PRMT8: variants seen among roughly 807,000 people sequenced by gnomAD.
PRMT8 encodes the protein protein arginine N-methyltransferase 8.
A neutral mutation model predicts 47.1 loss-of-function variants in PRMT8; 7 were observed. The ratio of observed to expected loss-of-function variants is 0.15; its 90% CI spans 0.08 to 0.28. The LOEUF is 0.28. Among genes scored for constraint, PRMT8 ranks in the 10% least tolerant of loss-of-function variants. The pLI is 1.00. For missense variants in PRMT8, 237 were observed against 505.4 expected (o/e 0.47, Z 5.09); for synonymous variants, 188 against 186.5 (o/e 1.01, Z -0.07).
intron 1 of PRMT8, among the ~76,000 whole-genome samples, chr12:3,475,245 G>A (rs1420065457): frequency 6.6e-6 from 1 of 152,162 alleles, no homozygotes; most frequent in Non-Finnish European, 1.5e-5. Flanking sequence ...GAAGGAGAGG[G>A]GGACATTGTG....
intron 4 of PRMT8, among the ~76,000 whole-genome samples, chr12:3,560,333 C>T (rs1037504738): frequency 2.0e-5 from 3 of 152,218 alleles, no homozygotes; most frequent in Non-Finnish European, 4.4e-5. Flanking sequence ...ATCAGCCTCT[C>T]TCCCTCTCCA....
intron 1 of PRMT8, 118 bp downstream of exon 1, chr12:3,491,818 C>A (rs1439283327): frequency 1.8e-6 from 2 of 1,108,840 alleles, no homozygotes; most frequent in Non-Finnish European, 2.4e-6. Context: ...CCGCTCGCTT[C>A]TGCCGGCCTC....
intron 4 of PRMT8, among the ~76,000 whole-genome samples, chr12:3,563,146 G>T (rs1382774916): frequency 6.6e-6 from 1 of 151,962 alleles, no homozygotes; most frequent in Non-Finnish European, 1.5e-5. Flanking sequence ...GTATTGTTCT[G>T]ATTCACTGAG....
Position 3,436,280 on chromosome 12 carries a change from C to T in PRMT8, c.48+54838C>T, listed in dbSNP as rs561166918. 2.3e-4 allele frequency among the ~76,000 whole-genome samples: 35 copies of T among 152,292 alleles called. No individual in the cohort carries two copies. The South Asian group carries it at 4.8e-3, about 21-fold the overall frequency. The stretch of plus-strand genomic sequence containing the variant: ...TCCTGTTGCATAGCTCCGTCACCTT[C>T]GTTTTTGACACTCACTTGCTTTTCA... On this transcript the variant is annotated intron_variant, in intron 1 of 9. Coordinates refer to the PRMT8 transcript ENST00000452611. This position sits in a 1 kb window ranked among gnomAD's most constrained non-coding sequence, Gnocchi z 4.2.
chr12:3,506,610 G>T (rs889172758), intron 1 of PRMT8, among the ~76,000 whole-genome samples: 5 of 152,138 alleles, frequency 3.3e-5, no homozygotes, highest in Non-Finnish European at 7.4e-5. Context: ...CCCAGCTTTG[G>T]GATGTAGAAC....
At chr12:3,537,955 T>G (rs1168128440) in intron 1 of PRMT8, among the ~76,000 whole-genome samples, 1 of 152,192 alleles carries the variant, frequency 6.6e-6, no homozygotes, top group Non-Finnish European at 1.5e-5. Flanking sequence ...CAGAAGTCAC[T>G]GCTTCCCTGG....
chr12:3,508,742 C>T lies in PRMT8; in HGVS notation c.75+17042C>T, dbSNP rs1170919992. Among the ~76,000 whole-genome samples the T allele has an allele frequency of 6.6e-6, 1 of 152,172 alleles. No individual in the cohort carries two copies. Among genetic ancestry groups the T allele is most frequent in the African/African-American group, 2.4e-5 (1 of 41,442 alleles). Reference sequence around the variant, plus strand: ...TCTCAGACTGCAGCCCACATCTCTCCTCTGAGATACGCGAGGCATAGCTGC... The same window carrying T: ...TCTCAGACTGCAGCCCACATCTCTCTTCTGAGATACGCGAGGCATAGCTGC... On this transcript the variant is annotated intron_variant, in intron 1 of 9. Transcript: ENST00000382622. This position sits in a 1 kb window ranked among gnomAD's most constrained non-coding sequence, Gnocchi z 4.9.
chr12:3,550,251 G>A lies in PRMT8; in HGVS notation c.417+160G>A, dbSNP rs1196967740. On this transcript the variant is annotated intron_variant, in intron 3 of 9. Coordinates refer to ENST00000382622, the MANE Select transcript of PRMT8 (RefSeq NM_019854.5). This position sits in a 1 kb window ranked among gnomAD's most constrained non-coding sequence, Gnocchi z 5.1. ...AAATCAGGTGTGACTCTCAGGAAGGGGAGCAGGCTGCCTGTCCCCTGTGCA... is the reference window on the plus strand; with the variant it reads ...AAATCAGGTGTGACTCTCAGGAAGGAGAGCAGGCTGCCTGTCCCCTGTGCA... 2.4e-6 allele frequency: 2 copies of A among 827,022 alleles called. No homozygotes were observed. The highest frequency in any genetic ancestry group is 3.7e-6 in the Non-Finnish European group (2 of 537,944). 51.2% of individuals were successfully genotyped at this position (827,022 alleles called of 1,614,324 possible).
rs774178091 is a variant in PRMT8, at chr12:3,549,965, C to T, written c.291C>T (p.Leu97=). 6.9e-5 allele frequency: 112 copies of T among 1,614,046 alleles called. 1 individual carries two copies. Among genetic ancestry groups the T allele is most frequent in the Non-Finnish European group, 4.2e-6 (5 of 1,180,024 alleles). The change falls in exon 3 of 10, where the codon CTC becomes CTT. Residue 97 remains leucine (L), a synonymous_variant. Coordinates refer to ENST00000382622, the MANE Select transcript of PRMT8 (RefSeq NM_019854.5). ...EEMLKDEVRT[L]TYRNSMYHNK... ...TGCTGAAGGATGAGGTGCGGACTCTCACTTACCGGAACTCCATGTACCACA... is the reference window on the plus strand; with the variant it reads ...TGCTGAAGGATGAGGTGCGGACTCTTACTTACCGGAACTCCATGTACCACA...
rs1354859461 is a variant in PRMT8 at position 3,396,620 on chromosome 12, A to G, written c.48+15178A>G. On this transcript the variant is annotated intron_variant, in intron 1 of 9. Transcript: ENST00000452611. Reference sequence around the variant, plus strand: ...TGGGCTTCCCTTTGTGGGTAACCCGACCTTTCTCTCTGGCTGCCCTTAACA... The same window carrying G: ...TGGGCTTCCCTTTGTGGGTAACCCGGCCTTTCTCTCTGGCTGCCCTTAACA... 2.4e-4 allele frequency among the ~76,000 whole-genome samples: 36 copies of G among 152,122 alleles called. No homozygotes were observed. In the South Asian group the frequency reaches 7.1e-3, roughly 30 times the overall value.
Position 3,581,647 on chromosome 12 carries a change from C to T in PRMT8, c.829-1411C>T, listed in dbSNP as rs184598822. Among the ~76,000 whole-genome samples the T allele has an allele frequency of 7.8e-4, 119 of 152,344 alleles. 1 individual carries two copies. Among genetic ancestry groups the T allele is most frequent in the African/African-American group, 2.7e-3 (113 of 41,578 alleles). ...GTTCCCCTTCTCTGGGCTCTAGAAA[C>T]ACAGTGTAATTGGCATTTGAATGTG... On this transcript the variant is annotated intron_variant, in intron 7 of 9. Transcript: ENST00000382622.
intron 1 of PRMT8, among the ~76,000 whole-genome samples, chr12:3,388,971 T>C (rs1393426209): frequency 6.6e-6 from 1 of 152,180 alleles, no homozygotes. Context: ...CAGTGAACCT[T>C]AGGCTGTGGA....
intron 1 of PRMT8, among the ~76,000 whole-genome samples, chr12:3,479,393 A>C (rs1865250260): frequency 6.6e-6 from 1 of 152,122 alleles, no homozygotes; most frequent in East Asian, 1.9e-4. Context: ...CACTGTGCCT[A>C]ACTGATTGTG....
chr12:3,561,373 A>G (rs1408706570), intron 4 of PRMT8, among the ~76,000 whole-genome samples: 1 of 152,220 alleles, frequency 6.6e-6, no homozygotes, highest in Non-Finnish European at 1.5e-5. Context: ...ACTGCTGCCA[A>G]GCGATACCTC....
intron 1 of PRMT8, among the ~76,000 whole-genome samples, chr12:3,396,161 T>C (rs1864246919): frequency 6.6e-6 from 1 of 152,236 alleles, no homozygotes; most frequent in South Asian, 2.1e-4. Context: ...CTTGACTCTT[T>C]ATCCAATTTG....
intron 1 of PRMT8, among the ~76,000 whole-genome samples, chr12:3,473,725 C>T (rs1008658847): frequency 1.3e-5 from 2 of 152,150 alleles, no homozygotes; most frequent in African/African-American, 4.8e-5. Flanking sequence ...CTTTATTCTG[C>T]TCCTTTATTG....
intron 1 of PRMT8, among the ~76,000 whole-genome samples, chr12:3,414,763 T>C (rs1445523747): frequency 6.6e-6 from 1 of 152,062 alleles, no homozygotes; most frequent in Non-Finnish European, 1.5e-5. Flanking sequence ...AGGTGATCTT[T>C]TCCTGAAGCT....
rs540616246 is a variant in PRMT8, at chr12:3,552,828, T to C, written c.418-823T>C. 1.8e-4 allele frequency: 83 copies of C among 457,894 alleles called. 2 individuals carry two copies. The highest frequency in any genetic ancestry group is 8.4e-4 in the South Asian group (54 of 64,568). 28.4% of individuals were successfully genotyped at this position (457,894 alleles called of 1,614,324 possible). A position where few individuals can be genotyped will look rare whatever the true frequency, so the allele number is the denominator to read the frequency against. ...GGGGGTAGTCTGAGGGGCCCCCAAG[T>C]GTGGAGGTGAGTAGAGCCCAGGGCC... On this transcript the variant is annotated intron_variant, in intron 3 of 9. Coordinates refer to ENST00000382622, the MANE Select transcript of PRMT8 (RefSeq NM_019854.5). The surrounding 1 kb of genome is among the most constrained non-coding windows in gnomAD (Gnocchi z 4.5).
chr12:3,589,757 A>G (rs1397883939), intron 8 of PRMT8, among the ~76,000 whole-genome samples: 2 of 152,238 alleles, frequency 1.3e-5, no homozygotes, highest in African/African-American at 4.8e-5. Context: ...TCCAACTCAA[A>G]GTCGGCATGT....
Sources: allele counts gnomAD v4.1 joint callset (sites outside exome capture counted in the v4.1 genomes callset), GRCh38; gene constraint gnomAD v4.1.1; non-coding constraint Gnocchi (gnomAD v3.1); transcripts MANE v1.5; gene names NCBI Gene and HGNC (gene_info 2026-07-23, HGNC 2026-07-21).